The following KCNQ1 variants were observed in gnomAD, a reference collection of about 807,000 sequenced individuals.
KCNQ1 encodes potassium voltage-gated channel subfamily KQT member 1.
Under a neutral mutation model 72.4 loss-of-function variants are expected in KCNQ1, and 49 were observed. The ratio of observed to expected loss-of-function variants is 0.68; its 90% CI spans 0.54 to 0.86. The LOEUF (loss-of-function observed/expected upper bound fraction) is 0.86. Among genes scored for constraint, KCNQ1 ranks in the 40% least tolerant of loss-of-function variants. KCNQ1 has a pLI of 0.00. For synonymous variants in KCNQ1, 450 were observed against 412.6 expected (o/e 1.09, Z -1.10); for missense variants, 790 against 945.1 (o/e 0.84, Z 2.15).
intron 12 of KCNQ1, among the ~76,000 whole-genome samples, chr11:2,773,864 A>C (rs1846645489): frequency 6.6e-6 from 1 of 151,684 alleles, no homozygotes. Context: ...CCAGATGCTA[A>C]CAGGGCTCAG....
chr11:2,729,687 G>A (rs1845820535), intron 11 of KCNQ1, among the ~76,000 whole-genome samples: 1 of 152,202 alleles, frequency 6.6e-6, no homozygotes, highest in Admixed American at 6.5e-5. Context: ...GTCTGGAGAT[G>A]GGAGGATGTA....
rs1357592589 is a variant in KCNQ1, at chr11:2,767,899, G to A, written c.1515-945G>A. On this transcript the variant is annotated intron_variant, in intron 11 of 15. Coordinates refer to ENST00000155840, the MANE Select transcript of KCNQ1 (RefSeq NM_000218.3). This position sits in a 1 kb window ranked among gnomAD's most constrained non-coding sequence, Gnocchi z 4.6. ...TTCCCTCGTGTCCTGGCTGTCCTGTGGCCCTGGACTCCACATTTTTATCAC... is the reference window on the plus strand; with the variant it reads ...TTCCCTCGTGTCCTGGCTGTCCTGTAGCCCTGGACTCCACATTTTTATCAC... 6.6e-6 allele frequency among the ~76,000 whole-genome samples: 1 copy of A among 152,228 alleles called. No homozygotes were observed. Among genetic ancestry groups the A allele is most frequent in the Non-Finnish European group, 1.5e-5 (1 of 68,046 alleles).
At chr11:2,589,335 G>A (rs961535554) in intron 10 of KCNQ1, among the ~76,000 whole-genome samples, 4 of 152,178 alleles carry the variant, frequency 2.6e-5, no homozygotes, top group Non-Finnish European at 4.4e-5. Flanking sequence ...GCAGCCCAGG[G>A]GCCCCGAGTC....
rs1008084555 is a variant in KCNQ1 at position 2,624,046 on chromosome 11, T to C, written c.1393+35192T>C. 65 of 399,256 alleles carry C rather than the reference T, an allele frequency of 1.6e-4. No individual in the cohort carries two copies. The highest frequency in any genetic ancestry group is 4.0e-5 in the Non-Finnish European group (9 of 226,690). The allele number at this position is 399,256 out of a possible 1,614,324, so 24.7% of individuals were successfully genotyped here. A position where few individuals can be genotyped will look rare whatever the true frequency, so the allele number is the denominator to read the frequency against. On this transcript the variant is annotated intron_variant, in intron 10 of 15. Transcript: ENST00000155840. The surrounding 1 kb of genome is among the most constrained non-coding windows in gnomAD (Gnocchi z 4.9). Reference sequence around the variant, plus strand: ...TGCATTCCCACCAGCAATGGATGAGTGTTCCTGTTGCCCCACATATTGGCA... The same window carrying C: ...TGCATTCCCACCAGCAATGGATGAGCGTTCCTGTTGCCCCACATATTGGCA...
chr11:2,757,688 A>G (rs1315603856), intron 11 of KCNQ1, among the ~76,000 whole-genome samples: 1 of 152,254 alleles, frequency 6.6e-6, no homozygotes, highest in East Asian at 1.9e-4. Context: ...AGGAATCAAT[A>G]TGATTTGATA....
intron 1 of KCNQ1, among the ~76,000 whole-genome samples, chr11:2,449,534 A>G (rs2133566035): frequency 6.6e-6 from 1 of 151,956 alleles, no homozygotes; most frequent in East Asian, 2.0e-4. Flanking sequence ...AGCTGCTGCT[A>G]TGAGTTCTGC....
chr11:2,656,546 C>T, intron 10 of KCNQ1: 1 of 398,698 alleles, frequency 2.5e-6, no homozygotes, highest in Non-Finnish European at 4.4e-6. Flanking sequence ...GGCGCAACAC[C>T]TTTCCACATG....
chr11:2,706,502 A>G (rs1283571446), intron 11 of KCNQ1, among the ~76,000 whole-genome samples: 1 of 152,198 alleles, frequency 6.6e-6, no homozygotes, highest in African/African-American at 2.4e-5. Context: ...CCACCCCCAG[A>G]TCCCTCGCCC....
At chr11:2,722,306 G>T (rs935711355) in intron 11 of KCNQ1, among the ~76,000 whole-genome samples, 1 of 152,178 alleles carries the variant, frequency 6.6e-6, no homozygotes, top group African/African-American at 2.4e-5. Context: ...AGGCCAGGGC[G>T]GGCCTCGGGT....
rs535250894 is a variant in KCNQ1, at chr11:2,845,405, G to A, written c.1795-2362G>A. ...TGTCTGCATCTGTGGGATGGAGTGT[G>A]GGCCTCTGTGGCTCGTCCCCAAGTG... is the stretch of plus-strand genomic sequence containing the variant. On this transcript the variant is annotated intron_variant, in intron 15 of 15. Coordinates refer to ENST00000155840, the MANE Select transcript of KCNQ1 (RefSeq NM_000218.3). 5.0e-4 allele frequency among the ~76,000 whole-genome samples: 76 copies of A among 152,286 alleles called. No homozygotes were observed. In the South Asian group the frequency reaches 0.015, roughly 31 times the overall value.
At chr11:2,799,053 T>C (rs953401628) in intron 15 of KCNQ1, among the ~76,000 whole-genome samples, 3 of 152,138 alleles carry the variant, frequency 2.0e-5, no homozygotes, top group African/African-American at 7.2e-5. Flanking sequence ...AACAGGCACC[T>C]TCAAAGGAGG....
rs1177785278 is a variant in KCNQ1 at position 2,603,580 on chromosome 11, T to C, written c.1393+14726T>C. On this transcript the variant is annotated intron_variant, in intron 10 of 15. Transcript: ENST00000155840. The surrounding 1 kb of genome is among the most constrained non-coding windows in gnomAD (Gnocchi z 4.1). ...CTAGGCAATAACTAATCTTTCTCTCTATGGGTTTGCCTATTCTGGACATTT... is the reference window on the plus strand; with the variant it reads ...CTAGGCAATAACTAATCTTTCTCTCCATGGGTTTGCCTATTCTGGACATTT... 6.6e-6 allele frequency among the ~76,000 whole-genome samples: 1 copy of C among 152,158 alleles called. No homozygotes were observed. Among genetic ancestry groups the C allele is most frequent in the Admixed American group, 6.5e-5 (1 of 15,280 alleles).
rs947307699 is a variant in KCNQ1 at position 2,652,156 on chromosome 11, C to T, written c.1394-9805C>T. On this transcript the variant is annotated intron_variant, in intron 10 of 15. Transcript: ENST00000155840. This position sits in a 1 kb window ranked among gnomAD's most constrained non-coding sequence, Gnocchi z 5.9. The stretch of plus-strand genomic sequence containing the variant: ...CCTGTGTTTCTCAAGCCCGCGCCCT[C>T]GGGGCCTGGGGGTGGGGCCCCAGCA... 8 of 398,518 alleles carry T rather than the reference C, an allele frequency of 2.0e-5. No individual in the cohort carries two copies. The highest frequency in any genetic ancestry group is 2.5e-4 in the South Asian group (2 of 7,856). The allele number at this position is 398,518 out of a possible 1,614,324, so 24.7% of individuals were successfully genotyped here. A position where few individuals can be genotyped will look rare whatever the true frequency, so the allele number is the denominator to read the frequency against.
intron 15 of KCNQ1, among the ~76,000 whole-genome samples, chr11:2,786,543 A>G (rs770007478): frequency 6.7e-6 from 1 of 150,064 alleles, no homozygotes; most frequent in Non-Finnish European, 1.5e-5. Flanking sequence ...TTTATTGGCC[A>G]GTAGTAGACC....
In KCNQ1 at chr11:2,564,053, G is replaced by A. The variant is rs549538314; in HGVS notation, c.478-6575G>A. Among the ~76,000 whole-genome samples, 5 of 151,862 alleles carry A rather than the reference G, an allele frequency of 3.3e-5. No homozygotes were observed. In the South Asian group the frequency reaches 1.0e-3, roughly 32 times the overall value. ...GGAGCCCAGGTGAGCAACCGCCACG[G>A]GCCAGGGCCCCTCGAGGCACTCATT... is the stretch of plus-strand genomic sequence containing the variant. On this transcript the variant is annotated intron_variant, in intron 2 of 15. Coordinates refer to ENST00000155840, the MANE Select transcript of KCNQ1 (RefSeq NM_000218.3). The surrounding 1 kb of genome is among the most constrained non-coding windows in gnomAD (Gnocchi z 4.5).
At chr11:2,689,481 A>G (rs1850553057) in intron 11 of KCNQ1, 9 of 398,584 alleles carry the variant, frequency 2.3e-5, no homozygotes, top group Non-Finnish European at 3.5e-5. Flanking sequence ...GCCTACCTGC[A>G]TTCTGCTGAA....
chr11:2,640,169 C>T (rs1849550519), intron 10 of KCNQ1: 2 of 379,812 alleles, frequency 5.3e-6, no homozygotes, highest in East Asian at 7.5e-5. Flanking sequence ...TGAGGCGATG[C>T]CTCGCCCTAC....
rs1203682802 is a variant in KCNQ1 at position 2,827,872 on chromosome 11, G to C, written c.1795-19895G>C. ...GCGGGCAGAAGGCAGCGAGAGCTTT[G>C]TTTGGGGTGTGTCGAATTCAAGATG... On this transcript the variant is annotated intron_variant, in intron 15 of 15. Transcript: ENST00000155840. This position sits in a 1 kb window ranked among gnomAD's most constrained non-coding sequence, Gnocchi z 6.7. Among the ~76,000 whole-genome samples, 2 of 152,164 alleles carry C rather than the reference G, an allele frequency of 1.3e-5. No individual in the cohort carries two copies. The highest frequency in any genetic ancestry group is 4.8e-5 in the African/African-American group (2 of 41,444).
In KCNQ1 at chr11:2,753,142, C is replaced by T. The variant is rs192228296; in HGVS notation, c.1515-15702C>T. Among the ~76,000 whole-genome samples, 17 of 152,298 alleles carry T rather than the reference C, an allele frequency of 1.1e-4. No individual in the cohort carries two copies. The East Asian group carries it at 2.7e-3, about 24-fold the overall frequency. On this transcript the variant is annotated intron_variant, in intron 11 of 15. Coordinates refer to ENST00000155840, the MANE Select transcript of KCNQ1 (RefSeq NM_000218.3). ...TTTCTGTTGCATTTGGGCCAGGTTG[C>T]GAGGAGCCTGGCAGGCCACCCGGCC...
Sources: gnomAD v4.1 joint callset for allele counts (sites outside exome capture counted in the v4.1 genomes callset) on GRCh38, gnomAD v4.1.1 for gene constraint, Gnocchi (gnomAD v3.1) non-coding constraint, MANE v1.5 for transcripts, NCBI Gene and HGNC (gene_info 2026-07-23, HGNC 2026-07-21) for gene names.